Variants in PLCL2 observed in about 807,000 individuals in gnomAD.
The protein encoded by PLCL2 is phospholipase C like 2, also known as inactive phospholipase C-like protein 2.
In PLCL2, 4 loss-of-function variants were observed where a neutral mutation model predicts 79.6. The observed-to-expected ratio is 0.05, with a 90% CI of 0.02 to 0.11. PLCL2 has a LOEUF of 0.11. Ranked by LOEUF, PLCL2 falls within the 10% of genes least tolerant of loss-of-function variation. PLCL2 has a pLI of 1.00. For synonymous variants in PLCL2, 484 were observed against 457.7 expected (o/e 1.06, Z -0.73); for missense variants, 895 against 1,291.0 (o/e 0.69, Z 4.70).
chr3:16,904,397 G>A (rs1370778883), intron 1 of PLCL2, among the ~76,000 whole-genome samples: 4 of 152,094 alleles, frequency 2.6e-5, no homozygotes, highest in East Asian at 1.9e-4. Flanking sequence ...TGTGTGTGGC[G>A]GGGGTGTGGA....
chr3:16,918,270 G>A (rs1697043622), intron 1 of PLCL2, among the ~76,000 whole-genome samples: 1 of 151,832 alleles, frequency 6.6e-6, no homozygotes, highest in African/African-American at 2.4e-5. Context: ...TAAAACAATA[G>A]ATAGTTTTTG....
chr3:16,918,624 G>A (rs920705672), intron 1 of PLCL2, among the ~76,000 whole-genome samples: 2 of 152,096 alleles, frequency 1.3e-5, no homozygotes, highest in Admixed American at 6.6e-5. Flanking sequence ...TAGTTAAGGT[G>A]ATGGGAAAGA....
intron 3 of PLCL2, among the ~76,000 whole-genome samples, chr3:17,019,156 A>G (rs2064418439): frequency 6.6e-6 from 1 of 152,228 alleles, no homozygotes; most frequent in Non-Finnish European, 1.5e-5. Context: ...AATGAGTTGG[A>G]ATTCAACTGG....
At chr3:16,965,514 G>C (rs1444702861) in intron 1 of PLCL2, among the ~76,000 whole-genome samples, 1 of 151,510 alleles carries the variant, frequency 6.6e-6, no homozygotes, top group Non-Finnish European at 1.5e-5. Flanking sequence ...GCTCTTTTTT[G>C]GTTCCATATG....
chr3:16,984,816 C>T (rs542766150), intron 1 of PLCL2, among the ~76,000 whole-genome samples: 102 of 152,072 alleles, frequency 6.7e-4, no homozygotes, highest in African/African-American at 2.1e-3. Flanking sequence ...CCTGTAGTCC[C>T]AGCTACTCGG....
chr3:17,066,156 G>A (rs1449308710), intron 4 of PLCL2, among the ~76,000 whole-genome samples: 1 of 152,050 alleles, frequency 6.6e-6, no homozygotes, highest in African/African-American at 2.4e-5. Flanking sequence ...GGGCTTATTC[G>A]GTTAACCAAG....
chr3:17,021,595 TACACACACACACACAC>T (rs35902619), intron 3 of PLCL2, among the ~76,000 whole-genome samples: 1 of 146,488 alleles, frequency 6.8e-6, no homozygotes, highest in Non-Finnish European at 1.5e-5. Context: ...AAAGTATTCT[TACACACACACACACAC>T]ACACACACAC....
At position 16,964,900 on chromosome 3, in the gene PLCL2, A is replaced by C. The variant is rs1188159274; in HGVS notation, c.328-44774A>C. On this transcript the variant is annotated intron_variant, in intron 1 of 5. Transcript: ENST00000615277. ...TTTTCTTGTAAATTTGTTTGAGTTC[A>C]TTGTAGATGCTGGATATTAGCCCTT... 2.6e-5 allele frequency among the ~76,000 whole-genome samples: 4 copies of C among 151,912 alleles called. No homozygotes were observed. In the East Asian group the frequency reaches 5.8e-4, roughly 22 times the overall value.
chr3:16,899,836 G>A (rs186207603), intron 1 of PLCL2, among the ~76,000 whole-genome samples: 3 of 72,204 alleles, frequency 4.2e-5, no homozygotes, highest in East Asian at 4.2e-4. Flanking sequence ...CCCCCCCGCC[G>A]CCCCCCGTCA....
chr3:17,040,728 A>G (rs887455657), intron 3 of PLCL2, among the ~76,000 whole-genome samples: 1 of 152,228 alleles, frequency 6.6e-6, no homozygotes, highest in Admixed American at 6.5e-5. Flanking sequence ...GTCCTAGATG[A>G]CAAAGCTAAT....
intron 5 of PLCL2, among the ~76,000 whole-genome samples, chr3:17,077,908 G>C (rs971735953): frequency 1.3e-5 from 2 of 152,192 alleles, no homozygotes; most frequent in African/African-American, 4.8e-5. Context: ...GGGTCTTTCT[G>C]CTTATCTTTC....
intron 1 of PLCL2, among the ~76,000 whole-genome samples, chr3:16,973,799 A>G (rs569235566): frequency 6.6e-6 from 1 of 152,342 alleles, no homozygotes; most frequent in East Asian, 1.9e-4. Flanking sequence ...AGAAATAGTC[A>G]TGATTTTGCT....
At chr3:17,004,944 T>G (rs2064245963) in intron 1 of PLCL2, among the ~76,000 whole-genome samples, 1 of 152,108 alleles carries the variant, frequency 6.6e-6, no homozygotes, top group African/African-American at 2.4e-5. Context: ...ACCAGAGAGA[T>G]AAATGGCTGC....
At chr3:16,898,506 G>T (rs1023861396) in intron 1 of PLCL2, among the ~76,000 whole-genome samples, 5 of 152,220 alleles carry the variant, frequency 3.3e-5, no homozygotes, top group African/African-American at 1.2e-4. Context: ...ACCCGGAGGG[G>T]TCTGGAAGCA....
At chr3:17,071,574 C>G (rs1256120345) in intron 5 of PLCL2, among the ~76,000 whole-genome samples, 1 of 152,068 alleles carries the variant, frequency 6.6e-6, no homozygotes, top group Non-Finnish European at 1.5e-5. Context: ...TGACTTTATT[C>G]CAGGAACCTT....
chr3:16,937,037 C>G (rs892748999), intron 1 of PLCL2, among the ~76,000 whole-genome samples: 1 of 152,122 alleles, frequency 6.6e-6, no homozygotes, highest in African/African-American at 2.4e-5. Flanking sequence ...ACTAGCTGAT[C>G]TCTACCCACT....
At chr3:17,030,920 G>A (rs1287146045) in intron 3 of PLCL2, among the ~76,000 whole-genome samples, 1 of 152,180 alleles carries the variant, frequency 6.6e-6, no homozygotes, top group South Asian at 2.1e-4. Context: ...AAGACTTGAT[G>A]TAAATAGGCA....
chr3:17,077,502 C>T (rs149022134), intron 5 of PLCL2, among the ~76,000 whole-genome samples: 45 of 152,218 alleles, frequency 3.0e-4, no homozygotes, highest in Non-Finnish European at 5.0e-4. Flanking sequence ...TGTTTTTGCT[C>T]ATTTCATCAG....
At chr3:17,051,489 G>A (rs2064838206) in intron 4 of PLCL2, among the ~76,000 whole-genome samples, 1 of 152,010 alleles carries the variant, frequency 6.6e-6, no homozygotes, top group Middle Eastern at 3.2e-3. Flanking sequence ...TGAGGAGAAA[G>A]GATATCTGCC....
Sources: gnomAD v4.1 joint callset for allele counts (sites outside exome capture counted in the v4.1 genomes callset) on GRCh38, gnomAD v4.1.1 for gene constraint, MANE v1.5 for transcripts, NCBI Gene and HGNC (gene_info 2026-07-23, HGNC 2026-07-21) for gene names.